PCGF5: variants seen among roughly 807,000 people sequenced by gnomAD.
The protein encoded by PCGF5 is polycomb group ring finger 5, also known as polycomb group RING finger protein 5.
In PCGF5, 9 loss-of-function variants were observed where a neutral mutation model predicts 44.3. The ratio of observed to expected loss-of-function variants is 0.20; its 90% CI spans 0.12 to 0.35. The LOEUF is 0.35. PCGF5 is among the 10% of genes least tolerant of loss of function. The probability of loss-of-function intolerance (pLI) is 1.00; values close to 1 mark genes in which losing one functional copy is unlikely to be tolerated. For synonymous variants in PCGF5, 95 were observed against 102.5 expected, an observed-to-expected ratio of 0.93 and a Z score of 0.44; for missense variants, 146 against 305.3, an observed-to-expected ratio of 0.48 and a Z score of 3.89.
chr10:91,250,000 T>C (rs1414144267), intron 5 of PCGF5, among the ~76,000 whole-genome samples: 1 of 152,078 alleles, frequency 6.6e-6, no homozygotes, highest in Admixed American at 6.6e-5. Flanking sequence ...AGTTACGTGG[T>C]AGGTTTACTC....
intron 1 of PCGF5, among the ~76,000 whole-genome samples, chr10:91,168,233 G>A (rs1843533781): frequency 6.6e-6 from 1 of 152,162 alleles, no homozygotes. Context: ...CTAGGATAGA[G>A]CCTTGTAAAA....
chr10:91,184,864 G>A (rs1000178390), intron 1 of PCGF5, among the ~76,000 whole-genome samples: 14 of 152,196 alleles, frequency 9.2e-5, no homozygotes, highest in Non-Finnish European at 4.4e-5. Flanking sequence ...AAGCAACAAA[G>A]ATGGCAGTGT....
chr10:91,228,370 G>A (rs1057379238), intron 2 of PCGF5, among the ~76,000 whole-genome samples: 1 of 151,956 alleles, frequency 6.6e-6, no homozygotes, highest in Non-Finnish European at 1.5e-5. Context: ...AGAATCTAGT[G>A]ATTCTTTCCT....
At chr10:91,231,715 G>A (rs1253014065) in intron 2 of PCGF5, among the ~76,000 whole-genome samples, 3 of 152,170 alleles carry the variant, frequency 2.0e-5, no homozygotes, top group Non-Finnish European at 4.4e-5. Context: ...AGGGTTTTGA[G>A]TAGAAGAATT....
Position 91,284,261 on chromosome 10 carries a change from TTTA to T in PCGF5, c.*5951_*5953del, listed in dbSNP as rs1333254465. The T allele has an allele frequency of 3.9e-5, 6 of 152,666 alleles. No individual in the cohort carries two copies. Among genetic ancestry groups the T allele is most frequent in the African/African-American group, 1.4e-4 (6 of 41,494 alleles). The allele number at this position is 152,666 out of a possible 1,614,324, so 9.5% of individuals were successfully genotyped here. The stretch of plus-strand genomic sequence containing the variant: ...TGTTATTAAAAATTAAATTGCATAA[TTTA>T]TTATTGTTTGTCATCTTTAATATTA... On this transcript the variant is annotated 3_prime_UTR_variant, in exon 10 of 10. Coordinates refer to ENST00000336126, the MANE Select transcript of PCGF5 (RefSeq NM_032373.5).
intron 1 of PCGF5, among the ~76,000 whole-genome samples, chr10:91,174,118 T>C (rs1402184588): frequency 6.6e-6 from 1 of 151,092 alleles, no homozygotes; most frequent in Non-Finnish European, 1.5e-5. Flanking sequence ...AAGTTACTAC[T>C]TAACTGTAAT....
intron 3 of PCGF5, among the ~76,000 whole-genome samples, chr10:91,240,819 G>A (rs1010549850): frequency 6.6e-6 from 1 of 151,742 alleles, no homozygotes; most frequent in Non-Finnish European, 1.5e-5. Flanking sequence ...CTCTTAGGCT[G>A]TAAGAGTGAC....
chr10:91,175,849 C>T (rs1195534300), intron 1 of PCGF5, among the ~76,000 whole-genome samples: 2 of 152,126 alleles, frequency 1.3e-5, no homozygotes, highest in Non-Finnish European at 2.9e-5. Flanking sequence ...ACTGATGGGT[C>T]TTGACTCTTT....
chr10:91,249,307 G>A (rs1845557196), intron 5 of PCGF5, among the ~76,000 whole-genome samples: 1 of 147,694 alleles, frequency 6.8e-6, no homozygotes, highest in Non-Finnish European at 1.5e-5. Context: ...TCAGCAATTA[G>A]TAATTTTTAA....
In PCGF5 at chr10:91,279,523, A is replaced by T. The variant is rs147972947; in HGVS notation, c.*1207A>T. Reference sequence around the variant, plus strand: ...AGATCAGAAATACAAAATGTCCTGTATTTTGCAGTTTTGTTAAGTCTTCCA... The same window carrying T: ...AGATCAGAAATACAAAATGTCCTGTTTTTTGCAGTTTTGTTAAGTCTTCCA... On this transcript the variant is annotated 3_prime_UTR_variant, in exon 10 of 10. Transcript: ENST00000336126. The T allele has an allele frequency of 6.6e-6, 1 of 152,112 alleles. No individual in the cohort carries two copies. The allele number at this position is 152,112 out of a possible 1,614,324, so 9.4% of individuals were successfully genotyped here. A position where few individuals can be genotyped will look rare whatever the true frequency, so the allele number is the denominator to read the frequency against.
chr10:91,234,085 C>T (rs1845086551), intron 2 of PCGF5, among the ~76,000 whole-genome samples: 1 of 152,110 alleles, frequency 6.6e-6, no homozygotes, highest in Non-Finnish European at 1.5e-5. Flanking sequence ...CTGGGTGGAC[C>T]ACACATACAT....
rs184546638 is a variant in PCGF5 at position 91,228,997 on chromosome 10, G to A, written c.112+6014G>A. Among the ~76,000 whole-genome samples, 241 of 152,276 alleles carry A rather than the reference G, an allele frequency of 1.6e-3. 1 individual carries two copies. The highest frequency in any genetic ancestry group is 5.7e-3 in the African/African-American group (236 of 41,548). On this transcript the variant is annotated intron_variant, in intron 2 of 9. Transcript: ENST00000336126. ...ATTTATAATACTAGCATCCTTTAAA[G>A]TAGGCAGTTTGTATTTTTAATCATA...
At chr10:91,207,771 A>T (rs1244959496) in intron 1 of PCGF5, among the ~76,000 whole-genome samples, 2 of 152,190 alleles carry the variant, frequency 1.3e-5, no homozygotes, top group Non-Finnish European at 2.9e-5. Context: ...ATGGCCCTCA[A>T]TGTGGACTTA....
At chr10:91,226,543 A>G (rs1844846206) in intron 2 of PCGF5, among the ~76,000 whole-genome samples, 1 of 152,182 alleles carries the variant, frequency 6.6e-6, no homozygotes. Context: ...ATATGGGTAA[A>G]TGAAGTTACT....
intron 8 of PCGF5, among the ~76,000 whole-genome samples, chr10:91,268,470 T>A (rs1190064864): frequency 2.0e-5 from 3 of 152,190 alleles, no homozygotes; most frequent in African/African-American, 7.2e-5. Context: ...TTGATTTGGC[T>A]GGAATTGGCA....
chr10:91,163,702 C>G (rs1276654737), intron 1 of PCGF5, among the ~76,000 whole-genome samples: 1 of 152,086 alleles, frequency 6.6e-6, no homozygotes, highest in East Asian at 1.9e-4. Flanking sequence ...AGGAAAGGGG[C>G]GAGCGAGAGG....
intron 3 of PCGF5, among the ~76,000 whole-genome samples, chr10:91,244,328 A>G (rs904223696): frequency 2.0e-5 from 3 of 152,160 alleles, no homozygotes; most frequent in African/African-American, 7.2e-5. Flanking sequence ...TAAAGGGAGC[A>G]GCCAGTGCAG....
At chr10:91,251,043 C>T (rs1336225161) in intron 5 of PCGF5, among the ~76,000 whole-genome samples, 1 of 150,258 alleles carries the variant, frequency 6.7e-6, no homozygotes, top group Admixed American at 6.6e-5. Flanking sequence ...CTGAATCTTT[C>T]ATTTGGATGT....
At chr10:91,275,273 T>TA (rs1167076343) in intron 9 of PCGF5, among the ~76,000 whole-genome samples, 3 of 151,314 alleles carry the variant, frequency 2.0e-5, no homozygotes, top group Non-Finnish European at 2.9e-5. Flanking sequence ...AATAAACATA[T>TA]AAAAATGATT....
Sources: allele counts gnomAD v4.1 joint callset (sites outside exome capture counted in the v4.1 genomes callset), GRCh38; gene constraint gnomAD v4.1.1; transcripts MANE v1.5; gene names NCBI Gene and HGNC (gene_info 2026-07-23, HGNC 2026-07-21).